STK39: variants seen among roughly 807,000 people sequenced by gnomAD.
STK39 encodes the protein serine/threonine kinase 39.
A neutral mutation model predicts 77.8 loss-of-function variants in STK39; 20 were observed. The observed-to-expected ratio is 0.26, with a 90% CI of 0.18 to 0.37. The LOEUF is 0.37. STK39 is among the 10% of genes least tolerant of loss of function. The pLI is 1.00. For synonymous variants in STK39, 246 were observed against 234.1 expected, an observed-to-expected ratio of 1.05 and a Z score of -0.47; for missense variants, 479 against 656.5, an observed-to-expected ratio of 0.73 and a Z score of 2.95.
intron 1 of STK39, among the ~76,000 whole-genome samples, chr2:168,193,253 G>T (rs757449547): frequency 6.6e-6 from 1 of 152,006 alleles, no homozygotes; most frequent in Non-Finnish European, 1.5e-5. Flanking sequence ...AGTTACAACC[G>T]CAATACAGGA....
chr2:167,957,481 T>C (rs1442868412), intron 17 of STK39, among the ~76,000 whole-genome samples: 1 of 152,194 alleles, frequency 6.6e-6, no homozygotes, highest in Non-Finnish European at 1.5e-5. Flanking sequence ...CATTTTCTCC[T>C]TGTGTTATCA....
At chr2:167,976,572 T>C (rs772264407) in intron 16 of STK39, among the ~76,000 whole-genome samples, 13 of 152,186 alleles carry the variant, frequency 8.5e-5, no homozygotes, top group Non-Finnish European at 1.6e-4. Flanking sequence ...ATCACTACTG[T>C]AGGTTGGCCT....
intron 1 of STK39, among the ~76,000 whole-genome samples, chr2:168,204,858 C>T (rs562774394): frequency 6.6e-6 from 1 of 152,124 alleles, no homozygotes. Context: ...TTCACTACAC[C>T]CAACAAAATA....
chr2:168,203,661 C>T (rs995028397), intron 1 of STK39, among the ~76,000 whole-genome samples: 4 of 152,204 alleles, frequency 2.6e-5, no homozygotes, highest in Non-Finnish European at 5.9e-5. Flanking sequence ...GGTACAATCT[C>T]GGCTCTCTGC....
chr2:168,132,395 G>A (rs1167738317), intron 8 of STK39, among the ~76,000 whole-genome samples: 6 of 151,400 alleles, frequency 4.0e-5, no homozygotes, highest in East Asian at 1.9e-4. Flanking sequence ...GCAAATTAGC[G>A]TCTTAAAAAA....
At chr2:168,206,512 G>A (rs568949482) in intron 1 of STK39, among the ~76,000 whole-genome samples, 109 of 152,220 alleles carry the variant, frequency 7.2e-4, no homozygotes, top group East Asian at 3.1e-3. Flanking sequence ...ATGTTGGCCA[G>A]GCTGGTTCCA....
chr2:168,152,671 G>C (rs1423028819), intron 5 of STK39, among the ~76,000 whole-genome samples: 1 of 152,180 alleles, frequency 6.6e-6, no homozygotes, highest in African/African-American at 2.4e-5. Flanking sequence ...TGCTTCATCT[G>C]AAGGAACTAT....
chr2:168,245,657 C>A (rs1345487010), intron 1 of STK39, among the ~76,000 whole-genome samples: 1 of 152,116 alleles, frequency 6.6e-6, no homozygotes, highest in African/African-American at 2.4e-5. Context: ...CGGAAGACAG[C>A]GGTGTATTCA....
intron 17 of STK39, 52 bp downstream of exon 17, chr2:167,964,610 T>C: frequency 6.8e-7 from 1 of 1,461,302 alleles, no homozygotes; most frequent in Non-Finnish European, 9.6e-7. Flanking sequence ...TATTCCCTGC[T>C]GGCACAGCAT....
intron 10 of STK39, among the ~76,000 whole-genome samples, chr2:168,111,061 T>C (rs1214779473): frequency 6.6e-6 from 1 of 152,154 alleles, no homozygotes; most frequent in Non-Finnish European, 1.5e-5. Flanking sequence ...CATCTTTCTA[T>C]TTTTTCACTT....
intron 6 of STK39, 45 bp downstream of exon 6, chr2:168,140,604 G>A (rs199813803): frequency 1.5e-5 from 22 of 1,450,438 alleles, no homozygotes; most frequent in Non-Finnish European, 1.7e-5. Flanking sequence ...TGATCTGTAC[G>A]ATTGTACTAT....
At chr2:168,024,397 G>A (rs902651081) in intron 14 of STK39, among the ~76,000 whole-genome samples, 1 of 152,192 alleles carries the variant, frequency 6.6e-6, no homozygotes, top group Non-Finnish European at 1.5e-5. Context: ...AGGATGTGCT[G>A]GAAACTTCAT....
At chr2:167,970,128 C>T (rs1178259194) in intron 16 of STK39, among the ~76,000 whole-genome samples, 1 of 152,116 alleles carries the variant, frequency 6.6e-6, no homozygotes, top group Non-Finnish European at 1.5e-5. Context: ...GCTCAAATGT[C>T]CCTGGCTACC....
Position 168,045,944 on chromosome 2 carries a change from G to A in STK39, c.1376+17556C>T, listed in dbSNP as rs1403391627. On this transcript the variant is annotated intron_variant, in intron 14 of 17. Transcript: ENST00000355999. The stretch of plus-strand genomic sequence containing the variant: ...CCAATACAACTGCAGGAGTCCCCCA[G>A]AGAGGCACTCCACAGGTCAAAGGAG... Among the ~76,000 whole-genome samples the A allele has an allele frequency of 2.6e-5, 4 of 152,172 alleles. No individual in the cohort carries two copies. The East Asian group carries it at 7.7e-4, about 29-fold the overall frequency.
Position 168,247,248 on chromosome 2 carries a change from T to G in STK39, c.188A>C (p.Tyr63Ser). Residue 63 changes from tyrosine (Y) to serine (S), a missense_variant, in exon 1 of 18, where the codon TAC (tyrosine) becomes TCC (serine). Coordinates refer to ENST00000355999, the MANE Select transcript of STK39 (RefSeq NM_013233.3). Reference sequence around the variant, plus strand: ...CTGACCGATAACCTCCTGCAGCTCGTACGCGTCCCTGCAGATGGGCCAGCC... The same window carrying G: ...CTGACCGATAACCTCCTGCAGCTCGGACGCGTCCCTGCAGATGGGCCAGCC... ...AVGWPICRDA[Y>S]ELQEVIGSGA... 7 of 1,130,526 alleles carry G rather than the reference T, an allele frequency of 6.2e-6. No individual in the cohort carries two copies. The highest frequency in any genetic ancestry group is 6.5e-6 in the Non-Finnish European group (6 of 924,508). The allele number at this position is 1,130,526 out of a possible 1,614,324, so 70.0% of individuals were successfully genotyped here. A position where few individuals can be genotyped will look rare whatever the true frequency, so the allele number is the denominator to read the frequency against.
intron 12 of STK39, among the ~76,000 whole-genome samples, chr2:168,068,325 G>A (rs1004582642): frequency 1.1e-4 from 16 of 152,208 alleles, no homozygotes; most frequent in Admixed American, 6.5e-4. Context: ...ACAAGAAAGA[G>A]ACAACATCTG....
At chr2:167,964,516 G>A (rs1692092367) in intron 17 of STK39, 146 bp downstream of exon 17, 1 of 725,366 alleles carries the variant, frequency 1.4e-6, no homozygotes, top group Non-Finnish European at 2.3e-6. Context: ...ACGCTGCAGA[G>A]TCAAATGCTT....
intron 8 of STK39, among the ~76,000 whole-genome samples, chr2:168,130,164 C>T (rs775219201): frequency 2.6e-5 from 4 of 152,206 alleles, no homozygotes; most frequent in Non-Finnish European, 5.9e-5. Context: ...CTATGCTTCC[C>T]CAAGAGCAGC....
intron 16 of STK39, among the ~76,000 whole-genome samples, chr2:167,967,518 C>CT (rs1203892556): frequency 2.0e-5 from 3 of 151,538 alleles, no homozygotes; most frequent in Admixed American, 6.6e-5. Flanking sequence ...TTTCTATTTA[C>CT]TTTTTTTTTG....
Sources: allele counts gnomAD v4.1 joint callset (sites outside exome capture counted in the v4.1 genomes callset), GRCh38; gene constraint gnomAD v4.1.1; transcripts MANE v1.5; gene names NCBI Gene and HGNC (gene_info 2026-07-23, HGNC 2026-07-21).